IL1RAPL1: variants seen among roughly 807,000 people sequenced by gnomAD.
IL1RAPL1 encodes interleukin 1 receptor accessory protein like 1, also known as interleukin-1 receptor accessory protein-like 1.
In IL1RAPL1, 3 loss-of-function variants were observed where a neutral mutation model predicts 48.4. The observed-to-expected ratio is 0.06, with a 90% CI of 0.03 to 0.16. IL1RAPL1 has a LOEUF of 0.16. Ranked by LOEUF, IL1RAPL1 falls within the 10% of genes least tolerant of loss-of-function variation. The pLI is 1.00. For synonymous variants in IL1RAPL1, 185 were observed against 187.7 expected (o/e 0.99, Z 0.12); for missense variants, 349 against 530.6 (o/e 0.66, Z 3.36).
chrX:29,814,225 C>G (rs990673917), intron 6 of IL1RAPL1, among the ~76,000 whole-genome samples: 3 of 111,721 alleles, frequency 2.7e-5, no homozygotes, highest in African/African-American at 9.8e-5. Context: ...ATAAGCATTC[C>G]CTTGTCTCTG....
intron 3 of IL1RAPL1, among the ~76,000 whole-genome samples, chrX:29,287,779 A>G (rs1337602143): frequency 8.9e-6 from 1 of 112,087 alleles, no homozygotes; most frequent in African/African-American, 3.2e-5. Flanking sequence ...AATTTTGAGA[A>G]TTCTTTGTAT....
At chrX:28,909,670 T>A (rs1296606435) in intron 2 of IL1RAPL1, among the ~76,000 whole-genome samples, 1 of 111,868 alleles carries the variant, frequency 8.9e-6, no homozygotes, top group East Asian at 2.8e-4. Flanking sequence ...CCATTCATGC[T>A]TAAATTTTAT....
At chrX:29,586,788 T>G (rs1329589856) in intron 5 of IL1RAPL1, among the ~76,000 whole-genome samples, 1 of 111,497 alleles carries the variant, frequency 9.0e-6, no homozygotes, top group Non-Finnish European at 1.9e-5. Context: ...TTGTTTTTGG[T>G]GCTAATGTAA....
intron 6 of IL1RAPL1, among the ~76,000 whole-genome samples, chrX:29,824,721 G>A (rs1186845833): frequency 9.0e-6 from 1 of 111,408 alleles, no homozygotes; most frequent in Non-Finnish European, 1.9e-5. Context: ...TAAATGAGAG[G>A]GTTAAACGCA....
intron 2 of IL1RAPL1, among the ~76,000 whole-genome samples, chrX:28,934,121 G>A (rs1203507449): frequency 9.0e-6 from 1 of 110,823 alleles, no homozygotes; most frequent in African/African-American, 3.3e-5. Context: ...TGACCTCATG[G>A]AGATGCAGCC....
chrX:29,190,319 A>T (rs988968824), intron 2 of IL1RAPL1, among the ~76,000 whole-genome samples: 1 of 111,767 alleles, frequency 8.9e-6, no homozygotes, highest in Non-Finnish European at 1.9e-5. Context: ...GAGGTTTTTT[A>T]AAAAGTACTA....
At chrX:29,271,582 T>G (rs940243470) in intron 2 of IL1RAPL1, among the ~76,000 whole-genome samples, 2 of 112,183 alleles carry the variant, frequency 1.8e-5, no homozygotes, top group Non-Finnish European at 3.8e-5. Context: ...TAATATCTCA[T>G]TGTGGTTTTG....
intron 2 of IL1RAPL1, among the ~76,000 whole-genome samples, chrX:28,974,553 G>A (rs1253828353): frequency 1.8e-5 from 2 of 111,663 alleles, no homozygotes; most frequent in Admixed American, 1.9e-4. Flanking sequence ...CTTTACTACT[G>A]TTACTATTCC....
intron 5 of IL1RAPL1, among the ~76,000 whole-genome samples, chrX:29,558,475 C>T (rs1279590832): frequency 9.0e-6 from 1 of 111,423 alleles, no homozygotes; most frequent in African/African-American, 3.3e-5. Context: ...ATAAATTTTT[C>T]CTGTTTCATA....
chrX:29,076,113 T>C (rs1330863059), intron 2 of IL1RAPL1, among the ~76,000 whole-genome samples: 1 of 112,187 alleles, frequency 8.9e-6, no homozygotes, highest in Admixed American at 9.4e-5. Context: ...GTTAAAATCA[T>C]GTTAAATGTC....
chrX:29,496,628 A>C (rs934630855), intron 5 of IL1RAPL1, among the ~76,000 whole-genome samples: 5 of 110,904 alleles, frequency 4.5e-5, no homozygotes, highest in African/African-American at 6.6e-5. Context: ...ATCCGTTTTC[A>C]GTATAAATTA....
chrX:28,592,301 G>C (rs1349444572), intron 1 of IL1RAPL1, among the ~76,000 whole-genome samples: 1 of 111,779 alleles, frequency 8.9e-6, no homozygotes, highest in Non-Finnish European at 1.9e-5. Context: ...CTGCTACCAA[G>C]AGCACACAAA....
chrX:29,108,846 AAAT>A (rs1282014459), intron 2 of IL1RAPL1, among the ~76,000 whole-genome samples: 1 of 111,941 alleles, frequency 8.9e-6, no homozygotes, highest in East Asian at 2.8e-4. Context: ...GCTGAAGAGA[AAAT>A]AACACAAGCA....
intron 2 of IL1RAPL1, among the ~76,000 whole-genome samples, chrX:29,194,717 T>G (rs1930411531): frequency 1.8e-5 from 2 of 112,200 alleles, no homozygotes; most frequent in African/African-American, 6.5e-5. Context: ...TTATATTTAT[T>G]AATAGAGCCC....
chrX:28,872,898 T>C (rs1322334047), intron 2 of IL1RAPL1, among the ~76,000 whole-genome samples: 2 of 111,716 alleles, frequency 1.8e-5, no homozygotes, highest in African/African-American at 3.3e-5. Flanking sequence ...CTATAAGCCC[T>C]ATTACCTACA....
intron 6 of IL1RAPL1, among the ~76,000 whole-genome samples, chrX:29,812,711 T>A (rs1202806249): frequency 8.9e-6 from 1 of 111,843 alleles, no homozygotes; most frequent in Non-Finnish European, 1.9e-5. Flanking sequence ...CTCTGTGAGT[T>A]CAATTATCTT....
chrX:29,266,507 T>A (rs1931959343), intron 2 of IL1RAPL1, among the ~76,000 whole-genome samples: 1 of 111,579 alleles, frequency 9.0e-6, no homozygotes, highest in Non-Finnish European at 1.9e-5. Flanking sequence ...AGGAACTCAC[T>A]GCATTTAGGG....
At chrX:29,501,234 C>A (rs1475120121) in intron 5 of IL1RAPL1, among the ~76,000 whole-genome samples, 2 of 111,067 alleles carry the variant, frequency 1.8e-5, no homozygotes, top group Admixed American at 9.5e-5. Context: ...ATATTTTCTC[C>A]CATTCTATGT....
intron 2 of IL1RAPL1, among the ~76,000 whole-genome samples, chrX:29,111,701 A>G (rs1022879687): frequency 2.7e-5 from 3 of 111,317 alleles, no homozygotes; most frequent in African/African-American, 9.8e-5. Context: ...AAATAACGCT[A>G]AGATGTCATT....
Sources: allele counts gnomAD v4.1 joint callset (sites outside exome capture counted in the v4.1 genomes callset), GRCh38; gene constraint gnomAD v4.1.1; transcripts MANE v1.5; gene names NCBI Gene and HGNC (gene_info 2026-07-23, HGNC 2026-07-21).